NPAS3: variants seen among roughly 807,000 people sequenced by gnomAD.
NPAS3 encodes neuronal PAS domain protein 3.
A neutral mutation model predicts 73.1 loss-of-function variants in NPAS3; 14 were observed. The observed-to-expected ratio is 0.19, with a 90% CI of 0.13 to 0.30. The LOEUF is 0.30. Among genes scored for constraint, NPAS3 ranks in the 10% least tolerant of loss-of-function variants. NPAS3 has a pLI of 1.00. For synonymous variants in NPAS3, 620 were observed against 541.5 expected (o/e 1.14, Z -2.01); for missense variants, 1,096 against 1,250.0 (o/e 0.88, Z 1.86).
At chr14:33,636,903 G>GCACACACACACACACACACACA (rs34527893) in intron 5 of NPAS3, among the ~76,000 whole-genome samples, 70 of 149,276 alleles carry the variant, frequency 4.7e-4, no homozygotes, top group East Asian at 3.6e-3. Context: ...CTCGGAGTGT[G>GCACACACACACACACACACACA]CACACACACA....
chr14:33,051,180 A>G (rs577511726), intron 1 of NPAS3, among the ~76,000 whole-genome samples: 13 of 150,608 alleles, frequency 8.6e-5, no homozygotes, highest in African/African-American at 2.9e-4. Context: ...AGGCTGAGGC[A>G]GGAGAATGGC....
chr14:33,185,436 C>T (rs944004244), intron 2 of NPAS3, among the ~76,000 whole-genome samples: 8 of 152,140 alleles, frequency 5.3e-5, no homozygotes, highest in Non-Finnish European at 1.2e-4. Context: ...CTGCAGGGTA[C>T]ACTTACCACA....
chr14:33,429,763 G>C (rs1035100894), intron 4 of NPAS3, among the ~76,000 whole-genome samples: 2 of 152,206 alleles, frequency 1.3e-5, no homozygotes, highest in South Asian at 2.1e-4. Flanking sequence ...GAACTAAAAA[G>C]GTACATTTTG....
At chr14:33,690,219 G>A (rs1329336941) in intron 6 of NPAS3, among the ~76,000 whole-genome samples, 1 of 152,118 alleles carries the variant, frequency 6.6e-6, no homozygotes, top group Non-Finnish European at 1.5e-5. Flanking sequence ...CTCGGTATTG[G>A]TTTGAACTTT....
At chr14:32,990,323 A>G (rs1203054767) in intron 1 of NPAS3, among the ~76,000 whole-genome samples, 1 of 152,198 alleles carries the variant, frequency 6.6e-6, no homozygotes, top group African/African-American at 2.4e-5. Flanking sequence ...TTGACTTGCT[A>G]TGATTATTTT....
intron 7 of NPAS3, among the ~76,000 whole-genome samples, chr14:33,749,531 A>T (rs781368628): frequency 4.6e-5 from 7 of 152,196 alleles, no homozygotes; most frequent in Non-Finnish European, 7.3e-5. Flanking sequence ...ATATTCTTGA[A>T]TGTTTTATTA....
At chr14:33,435,693 C>A (rs2048958721) in intron 4 of NPAS3, among the ~76,000 whole-genome samples, 1 of 152,136 alleles carries the variant, frequency 6.6e-6, no homozygotes, top group African/African-American at 2.4e-5. Context: ...GATTTCTTTA[C>A]CCAAGGGTGG....
rs778547047 is a variant in NPAS3 at position 33,215,416 on chromosome 14, A to G, written c.375A>G (p.Thr125=). 5 of 1,613,778 alleles carry G rather than the reference A, an allele frequency of 3.1e-6. No individual in the cohort carries two copies. The African/African-American group carries it at 6.7e-5, about 22-fold the overall frequency. Reference sequence around the variant, plus strand: ...GAATGGAAGGCCCTCCACCTAACACATCAGTAAAAGGTAAGTTTTAGGTCA... The same window carrying G: ...GAATGGAAGGCCCTCCACCTAACACGTCAGTAAAAGGTAAGTTTTAGGTCA... Residue 125 remains threonine, a synonymous_variant, in exon 3 of 12, where the codon ACA becomes ACG. Coordinates refer to ENST00000356141, the Ensembl canonical transcript of NPAS3.
chr14:33,477,748 T>A (rs1182569093), intron 4 of NPAS3, among the ~76,000 whole-genome samples: 1 of 152,282 alleles, frequency 6.6e-6, no homozygotes, highest in East Asian at 1.9e-4. Flanking sequence ...ATAGTAATAA[T>A]TTTTCACTAA....
At chr14:33,214,412 T>C (rs913438285) in intron 2 of NPAS3, 1 of 152,222 alleles carries the variant, frequency 6.6e-6, no homozygotes, top group Admixed American at 6.5e-5. Flanking sequence ...TAAATTTTAA[T>C]AACCCATACA....
chr14:33,303,361 A>G (rs1040461391), intron 3 of NPAS3, among the ~76,000 whole-genome samples: 2 of 152,176 alleles, frequency 1.3e-5, no homozygotes, highest in African/African-American at 4.8e-5. Flanking sequence ...AAAAATCTAT[A>G]TAACATTTGA....
At chr14:33,005,867 T>C (rs2038983751) in intron 1 of NPAS3, among the ~76,000 whole-genome samples, 1 of 152,206 alleles carries the variant, frequency 6.6e-6, no homozygotes, top group South Asian at 2.1e-4. Context: ...TCCTATAACC[T>C]GTCCTCTTGA....
At chr14:32,945,174 GTTAGC>G (rs891459631) in intron 1 of NPAS3, among the ~76,000 whole-genome samples, 2 of 152,040 alleles carry the variant, frequency 1.3e-5, no homozygotes, top group African/African-American at 2.4e-5. Context: ...TTTCACTTCT[GTTAGC>G]TTAGTGTTCT....
At chr14:33,518,989 T>C (rs546945212) in intron 4 of NPAS3, among the ~76,000 whole-genome samples, 1 of 152,254 alleles carries the variant, frequency 6.6e-6, no homozygotes, top group East Asian at 1.9e-4. Flanking sequence ...AAATCCCTTA[T>C]ATCCTCTTGG....
chr14:33,797,842 CTGTG>C (rs935700645), intron 11 of NPAS3, among the ~76,000 whole-genome samples: 2 of 148,442 alleles, frequency 1.3e-5, no homozygotes, highest in African/African-American at 2.5e-5. Context: ...ATAAATACAT[CTGTG>C]TGTGTGTATA....
At chr14:33,579,845 A>G (rs1022323789) in intron 5 of NPAS3, among the ~76,000 whole-genome samples, 1 of 152,144 alleles carries the variant, frequency 6.6e-6, no homozygotes, top group Non-Finnish European at 1.5e-5. Context: ...GCCAAACATC[A>G]ATGAAAAATG....
At chr14:33,239,739 G>A (rs2048157143) in intron 3 of NPAS3, among the ~76,000 whole-genome samples, 1 of 151,824 alleles carries the variant, frequency 6.6e-6, no homozygotes, top group South Asian at 2.1e-4. Flanking sequence ...GCCCATTATT[G>A]CATAAATCTG....
chr14:33,107,395 C>T lies in NPAS3; in HGVS notation c.140+51401C>T, dbSNP rs548939855. Among the ~76,000 whole-genome samples, 5 of 152,204 alleles carry T rather than the reference C, an allele frequency of 3.3e-5. No individual in the cohort carries two copies. In the South Asian group the frequency reaches 1.0e-3, roughly 32 times the overall value. ...GTACTCAACAGGCGGTTTTTCAACC[C>T]TTACCCTCTTCCTGTCTCCCCTGTC... On this transcript the variant is annotated intron_variant, in intron 2 of 11. Coordinates refer to ENST00000356141, the Ensembl canonical transcript of NPAS3.
At chr14:33,254,730 AG>A (rs2139915804) in intron 3 of NPAS3, among the ~76,000 whole-genome samples, 1 of 152,326 alleles carries the variant, frequency 6.6e-6, no homozygotes, top group South Asian at 2.1e-4. Context: ...GGAAAAAGCA[AG>A]GAAGGAGCAG....
Sources: allele counts gnomAD v4.1 joint callset (sites outside exome capture counted in the v4.1 genomes callset), GRCh38; gene constraint gnomAD v4.1.1; transcripts MANE v1.5; gene names NCBI Gene and HGNC (gene_info 2026-07-23, HGNC 2026-07-21).